DGKG: variants seen among roughly 807,000 people sequenced by gnomAD.
DGKG encodes the protein diacylglycerol kinase gamma, also known as DAG kinase gamma.
Under a neutral mutation model 105.3 loss-of-function variants are expected in DGKG, and 78 were observed. That is an observed-to-expected ratio of 0.74 (90% CI 0.62 to 0.89). DGKG has a LOEUF of 0.89. Among genes scored for constraint, DGKG ranks in the 40% least tolerant of loss-of-function variants. The pLI is 0.00. For missense variants in DGKG, 958 were observed against 1,020.1 expected, an observed-to-expected ratio of 0.94 and a Z score of 0.83; for synonymous variants, 346 against 367.1, an observed-to-expected ratio of 0.94 and a Z score of 0.66.
intron 21 of DGKG, among the ~76,000 whole-genome samples, chr3:186,194,908 A>T (rs1390068445): frequency 6.6e-6 from 1 of 151,312 alleles, no homozygotes; most frequent in African/African-American, 2.4e-5. Flanking sequence ...GTTCGAAACC[A>T]GCCTGGCCAA....
intron 15 of DGKG, 64 bp from the exon 16 acceptor site, chr3:186,260,577 A>C (rs759308265): frequency 3.1e-6 from 4 of 1,289,626 alleles, no homozygotes; most frequent in Middle Eastern, 1.8e-4. Flanking sequence ...CATCGTGAGA[A>C]GTCACATTAG....
In DGKG at chr3:186,188,203, T is replaced by C. The variant is rs1471701774; in HGVS notation, c.2094A>G (p.Gln698=). The change falls in exon 22 of 25, where the codon CAA becomes CAG. Residue 698 remains glutamine (Q), a splice_region_variant and synonymous_variant. Transcript: ENST00000265022. The stretch of plus-strand genomic sequence containing the variant: ...CAATTATCCTCATTCCTGGCTTACC[T>C]TGAACGCAGAATTTCAGTTCTTTGG... The part of the protein sequence containing the change: ...TDPKELKFCV[Q]DLSDQLLEVV... 7 of 1,614,174 alleles carry C rather than the reference T, an allele frequency of 4.3e-6. No individual in the cohort carries two copies. In the South Asian group the frequency reaches 5.5e-5, roughly 13 times the overall value.
At chr3:186,237,263 A>G (rs1246816925) in intron 20 of DGKG, among the ~76,000 whole-genome samples, 3 of 152,158 alleles carry the variant, frequency 2.0e-5, no homozygotes, top group Middle Eastern at 3.2e-3. Context: ...GGGCCACCTC[A>G]TAGGTGTGAG....
intron 5 of DGKG, among the ~76,000 whole-genome samples, chr3:186,295,926 G>C (rs1490971546): frequency 2.0e-5 from 3 of 152,110 alleles, no homozygotes; most frequent in Non-Finnish European, 4.4e-5. Context: ...GGCCAAGATG[G>C]CAAAACCCTG....
intron 24 of DGKG, chr3:186,158,809 T>G (rs901168702): frequency 3.5e-5 from 32 of 906,546 alleles, no homozygotes; most frequent in Non-Finnish European, 3.7e-5. Context: ...ATTAAATATC[T>G]AACATTTTAT....
At chr3:186,202,598 A>G (rs1422769241) in intron 21 of DGKG, among the ~76,000 whole-genome samples, 4 of 152,210 alleles carry the variant, frequency 2.6e-5, no homozygotes, top group African/African-American at 9.7e-5. Context: ...TATTACTTAA[A>G]AGATGCATTT....
chr3:186,168,054 G>C (rs1335700314), intron 22 of DGKG, among the ~76,000 whole-genome samples: 1 of 152,138 alleles, frequency 6.6e-6, no homozygotes, highest in African/African-American at 2.4e-5. Context: ...GTAATTTTTG[G>C]GTTGAAAAGA....
At chr3:186,167,760 TTCACTCACTCACTCACTCAC>T (rs56211107) in intron 22 of DGKG, among the ~76,000 whole-genome samples, 11 of 150,720 alleles carry the variant, frequency 7.3e-5, no homozygotes, top group Admixed American at 1.3e-4. Context: ...AAAACAGGAA[TTCACTCACTCACTCACTCAC>T]TCACTCACTC....
chr3:186,154,228 G>A (rs1479744390), intron 24 of DGKG, among the ~76,000 whole-genome samples: 1 of 152,236 alleles, frequency 6.6e-6, no homozygotes, highest in Admixed American at 6.5e-5. Context: ...AAGAAATATG[G>A]TGAGCCTAAG....
chr3:186,244,086 G>C (rs559531239), intron 19 of DGKG, among the ~76,000 whole-genome samples: 9 of 151,818 alleles, frequency 5.9e-5, no homozygotes, highest in Non-Finnish European at 1.2e-4. Context: ...TAGTAGAGAC[G>C]GGTCTTCGCC....
At chr3:186,319,495 C>A (rs1724981305) in intron 2 of DGKG, among the ~76,000 whole-genome samples, 7 of 152,160 alleles carry the variant, frequency 4.6e-5, no homozygotes, top group Admixed American at 3.9e-4. Context: ...CAGCTGCAGG[C>A]CTCATGATTT....
At chr3:186,264,662 G>A (rs945104187) in intron 14 of DGKG, among the ~76,000 whole-genome samples, 1 of 152,152 alleles carries the variant, frequency 6.6e-6, no homozygotes, top group Non-Finnish European at 1.5e-5. Context: ...TCCTTTGAGC[G>A]GAGGAAACTT....
intron 1 of DGKG, among the ~76,000 whole-genome samples, chr3:186,335,643 A>G (rs182189639): frequency 3.9e-5 from 6 of 152,370 alleles, no homozygotes; most frequent in Admixed American, 1.3e-4. Flanking sequence ...AAGGAAACAG[A>G]AACTGTCCAA....
At chr3:186,353,656 G>GTCTATGTCTATATCTATATCTATA (rs373192000) in intron 1 of DGKG, among the ~76,000 whole-genome samples, 82 of 116,152 alleles carry the variant, frequency 7.1e-4, no homozygotes, top group Admixed American at 1.4e-3. Flanking sequence ...CTATGTCTAT[G>GTCTATGTCTATATCTATATCTATA]TCTATATCTA....
intron 7 of DGKG, 41 bp from the exon 8 acceptor site, chr3:186,280,785 C>A (rs1343499528): frequency 6.5e-7 from 1 of 1,550,102 alleles, no homozygotes; most frequent in Admixed American, 1.7e-5. Context: ...AAGGAGACAA[C>A]CAGAGATGTG....
chr3:186,298,021 G>T lies in DGKG; in HGVS notation c.310+43C>A. The T allele has an allele frequency of 3.2e-6, 5 of 1,567,544 alleles. No individual in the cohort carries two copies. In the South Asian group the frequency reaches 3.6e-5, roughly 11 times the overall value. ...AGTCTGTGGCTGTGGCAGGGGATGA[G>T]AGCTGCGCAAGGTCTTCCCATCTTG... On this transcript the variant is annotated intron_variant, in intron 4 of 24. Transcript: ENST00000265022.
intron 22 of DGKG, among the ~76,000 whole-genome samples, chr3:186,173,796 T>C (rs1716941112): frequency 6.6e-6 from 1 of 152,236 alleles, no homozygotes; most frequent in African/African-American, 2.4e-5. Flanking sequence ...TTTCCTGATC[T>C]TCCACAGGGC....
At chr3:186,250,573 A>G (rs1409346942) in intron 19 of DGKG, among the ~76,000 whole-genome samples, 1 of 2,486 alleles carries the variant, frequency 4.0e-4, no homozygotes, top group African/African-American at 4.9e-4. Context: ...TTTTTGAGAC[A>G]GAGTCTCGCT....
chr3:186,232,547 G>A (rs1034945507), intron 20 of DGKG, among the ~76,000 whole-genome samples: 3 of 152,142 alleles, frequency 2.0e-5, no homozygotes, highest in Non-Finnish European at 4.4e-5. Context: ...GTTAACTGCT[G>A]TAATGCACCA....
Sources: gnomAD v4.1 joint callset for allele counts (sites outside exome capture counted in the v4.1 genomes callset) on GRCh38, gnomAD v4.1.1 for gene constraint, MANE v1.5 for transcripts, NCBI Gene and HGNC (gene_info 2026-07-23, HGNC 2026-07-21) for gene names.